CFAP65: variants seen among roughly 807,000 people sequenced by gnomAD.
CFAP65 encodes cilia- and flagella-associated protein 65.
CFAP65 carries 155 observed loss-of-function variants against 208.0 expected under a neutral mutation model. That is an observed-to-expected ratio of 0.75 (90% confidence interval 0.65 to 0.85). The LOEUF is 0.85. Ranked by LOEUF, CFAP65 falls within the 40% of genes least tolerant of loss-of-function variation. The pLI is 0.00. For synonymous variants in CFAP65, 970 were observed against 986.3 expected, an observed-to-expected ratio of 0.98 and a Z score of 0.31; for missense variants, 2,294 against 2,451.3, an observed-to-expected ratio of 0.94 and a Z score of 1.36.
At chr2:219,019,318 C>A in intron 20 of CFAP65, 139 bp from the exon 21 acceptor site, 1 of 1,196,618 alleles carries the variant, frequency 8.4e-7, no homozygotes, top group Non-Finnish European at 1.2e-6. Flanking sequence ...GGTGGGCTGG[C>A]TCTTCAGACC....
Position 219,010,806 on chromosome 2 carries a change from G to T in CFAP65, c.4148C>A (p.Thr1383Lys). The T allele has an allele frequency of 6.2e-7, 1 of 1,605,094 alleles. No individual in the cohort carries two copies. Among genetic ancestry groups the T allele is most frequent in the Non-Finnish European group, 8.5e-7 (1 of 1,173,596 alleles). The stretch of plus-strand genomic sequence containing the variant: ...CACGTCATCCAGGTTGCTGCTCACC[G>T]TGTAGGTCTTGGCCTCGATAGGTGA... ...IFSPIEAKTY[T>K]VDVPIHILGW... Residue 1383 changes from threonine to lysine, a missense_variant and splice_region_variant, in exon 25 of 35, where the codon ACG becomes AAG. Transcript: ENST00000341552.
At position 219,021,850 on chromosome 2, in the gene CFAP65, G is replaced by A. The variant is rs1414578101; in HGVS notation, c.3060C>T (p.Gly1020=). 5.6e-6 allele frequency: 9 copies of A among 1,613,678 alleles called. No individual in the cohort carries two copies. Among genetic ancestry groups the A allele is most frequent in the Non-Finnish European group, 7.6e-6 (9 of 1,180,012 alleles). Reference sequence around the variant, plus strand: ...AGAGGCGGTAATAGAGGGTGCAGTTGCCGTCATTCAGGAGGACAAGGAACC... The same window carrying A: ...AGAGGCGGTAATAGAGGGTGCAGTTACCGTCATTCAGGAGGACAAGGAACC... ...QSRFLVLLND[G]NCTLYYRLYL... is the part of the protein sequence containing the mutation. The change falls in exon 18 of 35, where the codon GGC becomes GGT. Residue 1020 remains glycine (G), a synonymous_variant. Coordinates refer to ENST00000341552, the MANE Select transcript of CFAP65 (RefSeq NM_194302.4).
intron 21 of CFAP65, among the ~76,000 whole-genome samples, chr2:219,016,249 C>A (rs2106141591): frequency 6.7e-6 from 1 of 149,356 alleles, no homozygotes; most frequent in Admixed American, 6.7e-5. Flanking sequence ...TCAGCCTCTC[C>A]TTTGTCCTCA....
At position 219,035,482 on chromosome 2, in the gene CFAP65, G is replaced by C. The variant is rs1291158267; in HGVS notation, c.540C>G (p.Tyr180Ter). The C allele has an allele frequency of 6.2e-7, 1 of 1,614,094 alleles. No individual in the cohort carries two copies. Among genetic ancestry groups the C allele is most frequent in the East Asian group, 2.2e-5 (1 of 44,882 alleles). Residue 180 changes from tyrosine (Y) to a stop codon, truncating the protein, a stop_gained and splice_region_variant, in exon 5 of 35, where the codon TAC (tyrosine) becomes TAG (stop). Transcript: ENST00000341552. LOFTEE classifies it high-confidence loss of function. Reference sequence around the variant, plus strand: ...TCCTTGATCCCTTATACTGGTACCTGTACTTCATCTTCTGGAGTTTCAAGG... The same window carrying C: ...TCCTTGATCCCTTATACTGGTACCTCTACTTCATCTTCTGGAGTTTCAAGG... ...NRSLKLQKMKYRPPKTKFFFT... is the reference protein window; with the variant it reads ...NRSLKLQKMK
intron 16 of CFAP65, among the ~76,000 whole-genome samples, 163 bp from the exon 17 acceptor site, chr2:219,022,492 C>G (rs1947334513): frequency 6.6e-6 from 1 of 152,226 alleles, no homozygotes; most frequent in Non-Finnish European, 1.5e-5. Flanking sequence ...TCTCCCCAAT[C>G]CCCTCAATCC....
At position 219,038,942 on chromosome 2, in the gene CFAP65, C is replaced by T. The variant is rs149318981; in HGVS notation, c.107G>A (p.Gly36Asp). The T allele has an allele frequency of 1.1e-4, 179 of 1,613,588 alleles. No homozygotes were observed. In the African/African-American group the frequency reaches 2.2e-3, roughly 20 times the overall value. The change falls in exon 3 of 35, where the codon GGC (glycine) becomes GAC (aspartate). Residue 36 changes from glycine to aspartate, a missense_variant. Transcript: ENST00000341552. Reference protein sequence around the residue: ...SFPLIPLLLRGKSVQKKQAES... With the variant: ...SFPLIPLLLRDKSVQKKQAES... ...TGCTTGTTTCTTCTGAACACTCTTG[C>T]CTCTTAGGAGAAGAGGAATAAGGGG...
At position 219,023,343 on chromosome 2, in the gene CFAP65, C is replaced by A; in HGVS notation, c.2684G>T (p.Cys895Phe). Residue 895 changes from cysteine (C) to phenylalanine (F), a missense_variant, in exon 16 of 35, where the codon TGC becomes TTC. Cys to Phe is a radical substitution (Grantham distance 205). Around this residue, in one of 2 missense-constraint regions of CFAP65, gnomAD observed 1,427 missense variants for 1,438.7 expected, o/e 0.99. Coordinates refer to ENST00000341552, the MANE Select transcript of CFAP65 (RefSeq NM_194302.4). ...GAAGGTGAAGGGGCTGGTGGAGGAGCAGCCCACCCAGGTGGGCTTGAAGTA... is the reference window on the plus strand; with the variant it reads ...GAAGGTGAAGGGGCTGGTGGAGGAGAAGCCCACCCAGGTGGGCTTGAAGTA... ...SLYFKPTWVG[C>F]SSTSPFTFRN... 1 of 1,610,652 alleles carries A rather than the reference C, an allele frequency of 6.2e-7. No individual in the cohort carries two copies. Among genetic ancestry groups the A allele is most frequent in the Non-Finnish European group, 8.5e-7 (1 of 1,178,538 alleles).
chr2:219,010,635 G>C lies in CFAP65; in HGVS notation c.4219C>G (p.Pro1407Ala), dbSNP rs143322258. 3 of 1,611,912 alleles carry C rather than the reference G, an allele frequency of 1.9e-6. No individual in the cohort carries two copies. The African/African-American group carries it at 4.0e-5, about 22-fold the overall frequency. Reference sequence around the variant, plus strand: ...GGGGCTGTGTCCCCCATCATATGGGGGTTGTAGCCCACTCCCTGGAAGTGG... The same window carrying C: ...GGGGCTGTGTCCCCCATCATATGGGCGTTGTAGCCCACTCCCTGGAAGTGG... The part of the protein sequence containing the change: ...LIHFQGVGYN[P>A]HMMGDTAPFH... The change falls in exon 26 of 35, where the codon CCC (proline) becomes GCC (alanine). Residue 1407 changes from proline (P) to alanine (A), a missense_variant. Pro to Ala is a conservative substitution (Grantham distance 27). Coordinates refer to ENST00000341552, the MANE Select transcript of CFAP65 (RefSeq NM_194302.4).
chr2:219,030,648 T>C (rs374818205), intron 9 of CFAP65, 41 bp downstream of exon 9: 20 of 1,597,190 alleles, frequency 1.3e-5, no homozygotes, highest in Non-Finnish European at 1.6e-5. Flanking sequence ...ATTCCAATCC[T>C]GGGGGCGTGA....
intron 21 of CFAP65, among the ~76,000 whole-genome samples, chr2:219,015,885 GTATTGATC>G (rs1946846289): frequency 1.3e-5 from 2 of 152,146 alleles, no homozygotes; most frequent in African/African-American, 4.8e-5. Flanking sequence ...TTAGATATAT[GTATTGATC>G]TAAAGGAGAT....
chr2:219,025,690 C>T (rs904398286), intron 14 of CFAP65, among the ~76,000 whole-genome samples: 1 of 152,200 alleles, frequency 6.6e-6, no homozygotes, highest in Admixed American at 6.5e-5. Flanking sequence ...GGACTTGGGG[C>T]ACCCAGGCAT....
rs1945952674 is a variant in CFAP65 at position 219,006,109 on chromosome 2, G to A, written c.4834C>T (p.Leu1612Phe). Residue 1612 changes from leucine to phenylalanine, a missense_variant, in exon 31 of 35, where the codon CTC (leucine) becomes TTC (phenylalanine). By Grantham distance (22) the Leu-to-Phe change is conservative (BLOSUM62 0). Coordinates refer to ENST00000341552, the MANE Select transcript of CFAP65 (RefSeq NM_194302.4). ...GCTCGGGCAGTAAGGCCCAGGCAGAGCATGCCTGGCGAGGGTGGCTGGGGG... is the reference window on the plus strand; with the variant it reads ...GCTCGGGCAGTAAGGCCCAGGCAGAACATGCCTGGCGAGGGTGGCTGGGGG... ...PCPQPPSPGM[L>F]CLGLTARAHA... 7 of 1,613,592 alleles carry A rather than the reference G, an allele frequency of 4.3e-6. No individual in the cohort carries two copies. In the East Asian group the frequency reaches 8.9e-5, roughly 21 times the overall value.
intron 21 of CFAP65, 107 bp downstream of exon 21, chr2:219,018,944 A>G: frequency 2.7e-6 from 4 of 1,483,196 alleles, no homozygotes; most frequent in Non-Finnish European, 3.7e-6. Flanking sequence ...CTCTTCACAG[A>G]CAGCAAGCAG....
chr2:219,038,647 T>C lies in CFAP65; in HGVS notation c.154-69A>G, dbSNP rs1301312724. ...AAAGAGAGGCTGAGGGAGGAGACTC[T>C]CATGGCCATCCTTGTCATGGAGGAG... is the stretch of plus-strand genomic sequence containing the variant. On this transcript the variant is annotated intron_variant, in intron 3 of 34. Coordinates refer to ENST00000341552, the MANE Select transcript of CFAP65 (RefSeq NM_194302.4). 2.1e-6 allele frequency: 3 copies of C among 1,411,120 alleles called. No individual in the cohort carries two copies. In the East Asian group the frequency reaches 7.1e-5, roughly 33 times the overall value. 87.4% of individuals were successfully genotyped at this position (1,411,120 alleles called of 1,614,324 possible).
chr2:219,031,718 C>A lies in CFAP65; in HGVS notation c.646-60G>T. ...TCAGTGGCATTCAGGGACTGCACAT[C>A]CCGCCCACCCTCAGCCACCCCCAAC... On this transcript the variant is annotated intron_variant, in intron 6 of 34. Coordinates refer to ENST00000341552, the MANE Select transcript of CFAP65 (RefSeq NM_194302.4). The surrounding 1 kb of genome is among the most constrained non-coding windows in gnomAD (Gnocchi z 5.2). 1 of 1,539,106 alleles carries A rather than the reference C, an allele frequency of 6.5e-7. No individual in the cohort carries two copies. Among genetic ancestry groups the A allele is most frequent in the Non-Finnish European group, 8.8e-7 (1 of 1,139,818 alleles).
In CFAP65 at chr2:219,028,268, A is replaced by C; in HGVS notation, c.1784T>G (p.Leu595Arg). 6.2e-7 allele frequency: 1 copy of C among 1,614,076 alleles called. No individual in the cohort carries two copies. The highest frequency in any genetic ancestry group is 8.5e-7 in the Non-Finnish European group (1 of 1,179,980). Reference sequence around the variant, plus strand: ...CTTCTTCTCCTTCAGCATGGCATCCAGGATGTCAGGGGGGTAGAGCGTCAG... The same window carrying C: ...CTTCTTCTCCTTCAGCATGGCATCCCGGATGTCAGGGGGGTAGAGCGTCAG... ...RGLTLYPPDILDAMLKEKKLA... is the reference protein window; with the variant it reads ...RGLTLYPPDIRDAMLKEKKLA... The change falls in exon 12 of 35, where the codon CTG becomes CGG. Residue 595 changes from leucine (L) to arginine (R), a missense_variant. Leu to Arg is a moderately radical substitution (Grantham distance 102). Coordinates refer to ENST00000341552, the MANE Select transcript of CFAP65 (RefSeq NM_194302.4).
chr2:219,026,031 A>T lies in CFAP65; in HGVS notation c.2340T>A (p.Asp780Glu). The part of the protein sequence containing the change: ...FEHHIPQYSL[D>E]VPKLFPAVSS... ...TTGGGGCCACGCTTACCTTGGGGAC[A>T]TCTAGGGAATACTGGGGGATGTGGT... Residue 780 changes from aspartate (D) to glutamate (E), a missense_variant, in exon 14 of 35, where the codon GAT (aspartate) becomes GAA (glutamate). Asp to Glu is a conservative substitution (Grantham distance 45). Transcript: ENST00000341552. The T allele has an allele frequency of 1.2e-6, 2 of 1,614,082 alleles. No individual in the cohort carries two copies. The highest frequency in any genetic ancestry group is 1.7e-6 in the Non-Finnish European group (2 of 1,179,982).
At chr2:219,008,504 GGAGGCC>G (rs1269021433) in intron 29 of CFAP65, among the ~76,000 whole-genome samples, 1 of 152,176 alleles carries the variant, frequency 6.6e-6, no homozygotes, top group Non-Finnish European at 1.5e-5. Flanking sequence ...CAGCACTTTG[GGAGGCC>G]GAGGTGGTCA....
intron 15 of CFAP65, 83 bp from the exon 16 acceptor site, chr2:219,023,514 A>G: frequency 9.7e-7 from 1 of 1,035,722 alleles, no homozygotes; most frequent in Non-Finnish European, 1.4e-6. Flanking sequence ...AGCCATGGCT[A>G]GGCAGCTTTC....
Sources: gnomAD v4.1 joint callset for allele counts (sites outside exome capture counted in the v4.1 genomes callset) on GRCh38, gnomAD v4.1.1 for gene constraint, gnomAD v4.1.1 regional missense constraint, Gnocchi (gnomAD v3.1) non-coding constraint, MANE v1.5 for transcripts, NCBI Gene and HGNC (gene_info 2026-07-23, HGNC 2026-07-21) for gene names.